RBM20: variants seen among roughly 807,000 people sequenced by gnomAD.
RBM20 encodes RNA binding motif protein 20.
In RBM20, 51 loss-of-function variants were observed where a neutral mutation model predicts 110.1. That is an observed-to-expected ratio of 0.46 (90% CI 0.37 to 0.59). The LOEUF (loss-of-function observed/expected upper bound fraction) is 0.59. Among genes scored for constraint, RBM20 ranks in the 20% least tolerant of loss-of-function variants. The pLI is 0.00. For synonymous variants in RBM20, 589 were observed against 618.2 expected, an observed-to-expected ratio of 0.95 and a Z score of 0.70; for missense variants, 1,512 against 1,574.9, an observed-to-expected ratio of 0.96 and a Z score of 0.68.
At position 110,821,472 on chromosome 10, in the gene RBM20, C is replaced by T. The variant is rs1844908621; in HGVS notation, c.2853C>T (p.Thr951=). The T allele has an allele frequency of 1.3e-6, 2 of 1,551,850 alleles. No homozygotes were observed. Among genetic ancestry groups the T allele is most frequent in the Non-Finnish European group, 1.7e-6 (2 of 1,147,022 alleles). Residue 951 remains threonine, a synonymous_variant, in exon 11 of 14, where the codon ACC becomes ACT. Coordinates refer to ENST00000369519, the MANE Select transcript of RBM20 (RefSeq NM_001134363.3). ...ICPETCLCVT[T]TLDLDLAQDF... ...CAGAAACATGTCTGTGTGTGACAAC[C>T]ACCTTAGACTTAGACCTGGCCCAGG...
intron 1 of RBM20, among the ~76,000 whole-genome samples, chr10:110,768,115 A>T (rs1018232197): frequency 6.6e-6 from 1 of 152,228 alleles, no homozygotes; most frequent in Non-Finnish European, 1.5e-5. Context: ...CTGCAATCGC[A>T]GGCACTCGGC....
intron 7 of RBM20, among the ~76,000 whole-genome samples, chr10:110,806,984 C>A (rs1014702782): frequency 3.9e-5 from 6 of 152,334 alleles, no homozygotes; most frequent in South Asian, 2.1e-4. Flanking sequence ...TGGCAGCTGG[C>A]AGCTGGTCCA....
intron 1 of RBM20, among the ~76,000 whole-genome samples, chr10:110,652,205 A>C (rs1054105620): frequency 2.0e-5 from 3 of 152,236 alleles, no homozygotes; most frequent in Admixed American, 1.3e-4. Context: ...TTAACTAAAA[A>C]AATTACAAAC....
chr10:110,781,420 G>A lies in RBM20; in HGVS notation c.811G>A (p.Gly271Arg), dbSNP rs989951034. 8 of 1,551,668 alleles carry A rather than the reference G, an allele frequency of 5.2e-6. No homozygotes were observed. The Admixed American group carries it at 1.2e-4, about 23-fold the overall frequency. The change falls in exon 2 of 14, where the codon GGG (glycine) becomes AGG (arginine). Residue 271 changes from glycine (G) to arginine (R), a missense_variant. Physicochemically the swap from Gly to Arg is moderately radical, Grantham distance 125. Coordinates refer to ENST00000369519, the MANE Select transcript of RBM20 (RefSeq NM_001134363.3). ...VTYEGHYSHT[G>R]QDGQAAFSKD... ...CTATGAAGGGCACTACAGCCACACA[G>A]GGCAGGATGGTCAAGCTGCCTTTTC...
chr10:110,675,912 T>C (rs1862332002), intron 1 of RBM20, among the ~76,000 whole-genome samples: 1 of 152,244 alleles, frequency 6.6e-6, no homozygotes, highest in East Asian at 1.9e-4. Flanking sequence ...CAGGAAATGA[T>C]AGCTGCTATG....
chr10:110,743,777 G>A (rs557241977), intron 1 of RBM20, among the ~76,000 whole-genome samples: 5 of 151,986 alleles, frequency 3.3e-5, no homozygotes, highest in African/African-American at 1.2e-4. Context: ...CATCACACCC[G>A]GCTAATTTTT....
intron 1 of RBM20, among the ~76,000 whole-genome samples, chr10:110,654,368 T>G (rs1186090079): frequency 6.6e-6 from 1 of 152,212 alleles, no homozygotes; most frequent in Non-Finnish European, 1.5e-5. Flanking sequence ...GGTCAGCTAC[T>G]TCCCATTTAA....
At chr10:110,674,671 G>A (rs191092641) in intron 1 of RBM20, among the ~76,000 whole-genome samples, 37 of 152,362 alleles carry the variant, frequency 2.4e-4, no homozygotes, top group African/African-American at 6.7e-4. Context: ...AAGTGCAGGC[G>A]TTAAGATTGA....
At chr10:110,718,040 A>G (rs1433581171) in intron 1 of RBM20, among the ~76,000 whole-genome samples, 1 of 152,204 alleles carries the variant, frequency 6.6e-6, no homozygotes, top group Non-Finnish European at 1.5e-5. Context: ...TTGAGAATGA[A>G]GAAAAACAGA....
rs182768779 is a variant in RBM20, at chr10:110,780,889, C to T, written c.280C>T (p.Leu94=). 1.8e-4 allele frequency: 280 copies of T among 1,551,330 alleles called. 2 individuals are homozygous for T. The Admixed American group carries it at 4.2e-3, about 23-fold the overall frequency. Residue 94 remains leucine, a synonymous_variant, in exon 2 of 14, where the codon CTG becomes TTG. Coordinates refer to ENST00000369519, the MANE Select transcript of RBM20 (RefSeq NM_001134363.3). The part of the protein sequence containing the change: ...PSPASLQLAQ[L]QAQLTLHRLK... The stretch of plus-strand genomic sequence containing the variant: ...ACCTGCCAGTCTCCAGCTGGCTCAA[C>T]TGCAGGCCCAGCTCACCCTCCACCG...
In RBM20 at chr10:110,821,540, C is replaced by T; in HGVS notation, c.2921C>T (p.Ala974Val). ...GTCAAGGCCGTAGGGAATGGGGCTG[C>T]AGAAATCAGCCTCAAGTCACCCAGA... The part of the protein sequence containing the change: ...EGVKAVGNGA[A>V]EISLKSPREL... Residue 974 changes from alanine (A) to valine (V), a missense_variant, in exon 11 of 14, where the codon GCA (alanine) becomes GTA (valine). Transcript: ENST00000369519. 6.4e-7 allele frequency: 1 copy of T among 1,551,688 alleles called. No homozygotes were observed. The highest frequency in any genetic ancestry group is 8.7e-7 in the Non-Finnish European group (1 of 1,146,750).
At chr10:110,653,686 G>C (rs1472285178) in intron 1 of RBM20, among the ~76,000 whole-genome samples, 1 of 152,056 alleles carries the variant, frequency 6.6e-6, no homozygotes, top group Non-Finnish European at 1.5e-5. Flanking sequence ...CTTCCAAGTA[G>C]CTGGTACTGT....
intron 1 of RBM20, among the ~76,000 whole-genome samples, chr10:110,758,209 G>A (rs1843947114): frequency 6.6e-6 from 1 of 151,510 alleles, no homozygotes; most frequent in East Asian, 1.9e-4. Flanking sequence ...TGTAGAGATG[G>A]GTTATACCAT....
chr10:110,739,633 T>C lies in RBM20; in HGVS notation c.192-41168T>C, dbSNP rs1042726950. Among the ~76,000 whole-genome samples, 1 of 151,914 alleles carries C rather than the reference T, an allele frequency of 6.6e-6. No individual in the cohort carries two copies. The highest frequency in any genetic ancestry group is 2.4e-5 in the African/African-American group (1 of 41,320). ...ACTGACGTGGTGGTGGAAGGCAGAGTGGCAGGGGAAAGAGCACCAGCATCA... is the reference window on the plus strand; with the variant it reads ...ACTGACGTGGTGGTGGAAGGCAGAGCGGCAGGGGAAAGAGCACCAGCATCA... On this transcript the variant is annotated intron_variant, in intron 1 of 13. Coordinates refer to ENST00000369519, the MANE Select transcript of RBM20 (RefSeq NM_001134363.3). This position sits in a 1 kb window ranked among gnomAD's most constrained non-coding sequence, Gnocchi z 4.1.
intron 1 of RBM20, among the ~76,000 whole-genome samples, chr10:110,774,013 A>C (rs946153364): frequency 2.6e-5 from 4 of 152,312 alleles, no homozygotes; most frequent in Non-Finnish European, 5.9e-5. Flanking sequence ...CCCTTTAATG[A>C]ACGTGTAAAC....
rs1469576570 is a variant in RBM20 at position 110,644,546 on chromosome 10, C to T, written c.92C>T (p.Ala31Val). ...RVACSVPGAR[A>V]SPAPSGPRGM... Reference sequence around the variant, plus strand: ...GCCTGCAGTGTGCCTGGTGCCCGGGCGTCCCCGGCACCCTCCGGCCCGCGA... The same window carrying T: ...GCCTGCAGTGTGCCTGGTGCCCGGGTGTCCCCGGCACCCTCCGGCCCGCGA... The change falls in exon 1 of 14, where the codon GCG becomes GTG. Residue 31 changes from alanine (A) to valine (V), a missense_variant. Physicochemically the swap from Ala to Val is moderately conservative, Grantham distance 64. Transcript: ENST00000369519. The surrounding 1 kb of genome is among the most constrained non-coding windows in gnomAD (Gnocchi z 4.3). 1 of 1,526,302 alleles carries T rather than the reference C, an allele frequency of 6.6e-7. No individual in the cohort carries two copies. Among genetic ancestry groups the T allele is most frequent in the Non-Finnish European group, 8.8e-7 (1 of 1,140,192 alleles). 94.5% of individuals were successfully genotyped at this position (1,526,302 alleles called of 1,614,324 possible).
At chr10:110,811,526 C>T (rs1844767300) in intron 8 of RBM20, among the ~76,000 whole-genome samples, 4 of 152,110 alleles carry the variant, frequency 2.6e-5, no homozygotes. Flanking sequence ...CATCTTGCCA[C>T]CTGCAATTCT....
intron 13 of RBM20, among the ~76,000 whole-genome samples, chr10:110,833,758 A>G (rs7092695): frequency 0.015 from 2,359 of 152,300 alleles, 64 homozygotes; most frequent in African/African-American, 0.054. Context: ...TCTCAAGTGC[A>G]TTGGGGTAGA....
rs1473770604 is a variant in RBM20, at chr10:110,799,320, A to G, written c.1669-467A>G. Among the ~76,000 whole-genome samples the G allele has an allele frequency of 1.3e-5, 2 of 152,218 alleles. 1 individual carries two copies. Among genetic ancestry groups the G allele is most frequent in the Admixed American group, 1.3e-4 (2 of 15,284 alleles). ...ATGTAGCCCAGGACAGACATACATA[A>G]TTAATAACAATGTCTGGTAACCCTG... On this transcript the variant is annotated intron_variant, in intron 6 of 13. Coordinates refer to ENST00000369519, the MANE Select transcript of RBM20 (RefSeq NM_001134363.3).
Sources: allele counts gnomAD v4.1 joint callset (sites outside exome capture counted in the v4.1 genomes callset), GRCh38; gene constraint gnomAD v4.1.1; non-coding constraint Gnocchi (gnomAD v3.1); transcripts MANE v1.5; gene names NCBI Gene and HGNC (gene_info 2026-07-23, HGNC 2026-07-21).